The following FRMPD4 variants were observed in gnomAD, a reference collection of about 807,000 sequenced individuals.
The protein encoded by FRMPD4 is FERM and PDZ domain containing 4.
A neutral mutation model predicts 94.1 loss-of-function variants in FRMPD4; 22 were observed. The ratio of observed to expected loss-of-function variants is 0.23; its 90% confidence interval spans 0.17 to 0.33. FRMPD4 has a LOEUF of 0.33. Among genes scored for constraint, FRMPD4 ranks in the 10% least tolerant of loss-of-function variants. The pLI is 1.00. For synonymous variants in FRMPD4, 631 were observed against 548.6 expected (o/e 1.15, Z -2.10); for missense variants, 1,111 against 1,339.9 (o/e 0.83, Z 2.67).
At chrX:12,072,670 G>A (rs918189393) in intron 3 of FRMPD4, among the ~76,000 whole-genome samples, 1 of 111,362 alleles carries the variant, frequency 9.0e-6, no homozygotes, top group African/African-American at 3.3e-5. Flanking sequence ...TTATTGGAGT[G>A]GTTTTGCAAT....
intron 5 of FRMPD4, among the ~76,000 whole-genome samples, chrX:12,680,085 G>C (rs961306468): frequency 2.7e-5 from 3 of 111,994 alleles, no homozygotes; most frequent in African/African-American, 9.7e-5. Flanking sequence ...TTCAATTTCA[G>C]AAATTAATCT....
chrX:12,075,216 C>T (rs1569153858), intron 3 of FRMPD4, among the ~76,000 whole-genome samples: 1 of 111,669 alleles, frequency 9.0e-6, no homozygotes, highest in Non-Finnish European at 1.9e-5. Context: ...CTAAACCAAT[C>T]TAATGTACAT....
chrX:11,922,835 C>G (rs2054065548), intron 3 of FRMPD4, among the ~76,000 whole-genome samples: 1 of 112,736 alleles, frequency 8.9e-6, no homozygotes, highest in African/African-American at 3.2e-5. Context: ...GAGACCTTAG[C>G]CCTAGGGAAC....
Position 12,433,634 on chromosome X carries a change from C to T in FRMPD4, c.42-65046C>T, listed in dbSNP as rs778341911. Reference sequence around the variant, plus strand: ...CTTATTATGTTCAAGGTATGAGGGCCCGTACAGGTACACCTTACTTCCTGC... The same window carrying T: ...CTTATTATGTTCAAGGTATGAGGGCTCGTACAGGTACACCTTACTTCCTGC... On this transcript the variant is annotated intron_variant, in intron 1 of 16. Coordinates refer to ENST00000675598, the MANE Select transcript of FRMPD4 (RefSeq NM_001368397.1). Among the ~76,000 whole-genome samples the T allele has an allele frequency of 2.7e-5, 3 of 112,074 alleles. No homozygotes were observed. In the South Asian group the frequency reaches 1.1e-3, roughly 42 times the overall value.
intron 4 of FRMPD4, among the ~76,000 whole-genome samples, chrX:12,641,463 C>A (rs2059499202): frequency 8.9e-6 from 1 of 111,820 alleles, no homozygotes; most frequent in Non-Finnish European, 1.9e-5. Flanking sequence ...AGTCCAGGTG[C>A]TGGATGCTGA....
At chrX:12,302,199 G>T (rs1206454851) in intron 1 of FRMPD4, among the ~76,000 whole-genome samples, 6 of 111,656 alleles carry the variant, frequency 5.4e-5, no homozygotes, top group Non-Finnish European at 9.4e-5. Flanking sequence ...CCTGCCCTGG[G>T]CTGGTTTCCT....
chrX:12,240,539 T>G (rs1456810830), intron 1 of FRMPD4, among the ~76,000 whole-genome samples: 2 of 112,399 alleles, frequency 1.8e-5, no homozygotes, highest in Non-Finnish European at 3.8e-5. Flanking sequence ...TATTTTAAGT[T>G]CAGTAAATGC....
intron 2 of FRMPD4, among the ~76,000 whole-genome samples, chrX:12,565,995 C>A (rs2058707887): frequency 9.0e-6 from 1 of 111,507 alleles, no homozygotes; most frequent in African/African-American, 3.3e-5. Context: ...GGGCACTGAA[C>A]AATTAGTGGT....
At chrX:12,440,809 C>A in intron 1 of FRMPD4, among the ~76,000 whole-genome samples, 1 of 110,813 alleles carries the variant, frequency 9.0e-6, no homozygotes, top group East Asian at 2.8e-4. Flanking sequence ...TATAGAGTAC[C>A]ATGTATGGTT....
At chrX:11,841,529 G>T (rs2053536691) in intron 1 of FRMPD4, among the ~76,000 whole-genome samples, 1 of 109,190 alleles carries the variant, frequency 9.2e-6, no homozygotes, top group Admixed American at 9.8e-5. Flanking sequence ...GTGTTTTTTG[G>T]CTGCATAAAT....
intron 1 of FRMPD4, among the ~76,000 whole-genome samples, chrX:12,286,807 G>GA (rs374453196): frequency 0.078 from 8,412 of 107,596 alleles, 845 homozygotes; most frequent in African/African-American, 0.27. Flanking sequence ...TCTAAAGAAT[G>GA]AAAAAAAAAT....
At position 12,702,003 on chromosome X, in the gene FRMPD4, T is replaced by C; in HGVS notation, c.1063T>C (p.Tyr355His). The C allele has an allele frequency of 2.5e-6, 3 of 1,210,266 alleles. No individual in the cohort carries two copies. The highest frequency in any genetic ancestry group is 1.8e-5 in the South Asian group (1 of 56,967). The change falls in exon 10 of 17, where the codon TAC becomes CAC. Residue 355 changes from tyrosine to histidine, a missense_variant. Tyr to His is a moderately conservative substitution (Grantham distance 83). This residue lies in a region of FRMPD4 where 111 missense variants were observed against 160.7 expected (regional missense o/e 0.69). Transcript: ENST00000675598. ...TKQTQKISLKYIEKEWGLETF... is the reference protein window; with the variant it reads ...TKQTQKISLKHIEKEWGLETF... Reference sequence around the variant, plus strand: ...GCAAACGCAGAAAATCTCCCTCAAATACATCGAGTAAGTGTTGACTCTCAG... The same window carrying C: ...GCAAACGCAGAAAATCTCCCTCAAACACATCGAGTAAGTGTTGACTCTCAG...
intron 1 of FRMPD4, among the ~76,000 whole-genome samples, chrX:12,186,009 A>G (rs778745279): frequency 8.9e-6 from 1 of 112,035 alleles, no homozygotes; most frequent in South Asian, 3.7e-4. Context: ...AAGGAAATCC[A>G]TAGGTACAGT....
intron 1 of FRMPD4, among the ~76,000 whole-genome samples, chrX:12,497,925 G>A (rs368432268): frequency 1.8e-5 from 2 of 111,036 alleles, no homozygotes; most frequent in African/African-American, 3.3e-5. Flanking sequence ...CACCTAGTGC[G>A]AGAGTGCCCA....
chrX:11,985,844 T>C (rs12559495), intron 3 of FRMPD4, among the ~76,000 whole-genome samples: 9 of 112,283 alleles, frequency 8.0e-5, no homozygotes, highest in Admixed American at 1.9e-4. Flanking sequence ...AAGGACTGTG[T>C]CCTGTGGTTC....
intron 1 of FRMPD4, among the ~76,000 whole-genome samples, chrX:12,345,624 T>A (rs2055694465): frequency 8.9e-6 from 1 of 111,748 alleles, no homozygotes; most frequent in Non-Finnish European, 1.9e-5. Flanking sequence ...AATGGATCAG[T>A]CTATATTTTG....
chrX:12,372,127 A>G (rs1164545229), intron 1 of FRMPD4, among the ~76,000 whole-genome samples: 1 of 112,301 alleles, frequency 8.9e-6, no homozygotes, highest in Admixed American at 9.4e-5. Flanking sequence ...TCACCCACTC[A>G]TCATCTCCTG....
intron 1 of FRMPD4, among the ~76,000 whole-genome samples, chrX:12,377,650 G>A (rs1436564981): frequency 8.9e-6 from 1 of 112,381 alleles, no homozygotes; most frequent in Non-Finnish European, 1.9e-5. Context: ...TATCTCCCTG[G>A]GTGCAGATGA....
intron 4 of FRMPD4, among the ~76,000 whole-genome samples, chrX:12,661,399 G>C (rs2059712078): frequency 8.9e-6 from 1 of 111,906 alleles, no homozygotes; most frequent in Non-Finnish European, 1.9e-5. Context: ...TCACTCAAGG[G>C]TGAAAATGGT....
Sources: gnomAD v4.1 joint callset for allele counts (sites outside exome capture counted in the v4.1 genomes callset) on GRCh38, gnomAD v4.1.1 for gene constraint, gnomAD v4.1.1 regional missense constraint, MANE v1.5 for transcripts, NCBI Gene and HGNC (gene_info 2026-07-23, HGNC 2026-07-21) for gene names.